Variants in MPRIP observed in about 807,000 individuals in gnomAD.
MPRIP encodes myosin phosphatase Rho-interacting protein.
Under a neutral mutation model 234.9 loss-of-function variants are expected in MPRIP, and 59 were observed. The ratio of observed to expected loss-of-function variants is 0.25; its 90% CI spans 0.20 to 0.31. MPRIP has a LOEUF of 0.31. MPRIP is among the 10% of genes least tolerant of loss of function. The pLI is 1.00. For missense variants in MPRIP, 2,436 were observed against 3,071.0 expected (o/e 0.79, Z 4.89); for synonymous variants, 1,144 against 1,263.9 (o/e 0.91, Z 2.01).
chr17:17,075,895 G>C, intron 2 of MPRIP, 108 bp downstream of exon 2: 2 of 1,075,466 alleles, frequency 1.9e-6, no homozygotes, highest in Non-Finnish European at 1.4e-6. Flanking sequence ...GTGGATCCTG[G>C]GATAGCAGGA....
At chr17:17,057,223 C>T (rs1047793245) in intron 1 of MPRIP, among the ~76,000 whole-genome samples, 1 of 152,254 alleles carries the variant, frequency 6.6e-6, no homozygotes, top group African/African-American at 2.4e-5. Context: ...GGGCTCTTCA[C>T]AGAGGAGTCT....
intron 2 of MPRIP, chr17:17,076,165 GT>G (rs1056768534): frequency 6.1e-5 from 11 of 181,608 alleles, no homozygotes; most frequent in Non-Finnish European, 9.2e-5. Flanking sequence ...TGAGCCAGGG[GT>G]TCAGCACACT....
chr17:17,094,129 T>G (rs541732998), intron 3 of MPRIP, among the ~76,000 whole-genome samples: 1 of 151,824 alleles, frequency 6.6e-6, no homozygotes, highest in Non-Finnish European at 1.5e-5. Flanking sequence ...TTTGTGGGGT[T>G]TTTTTTGGTT....
At chr17:17,141,618 G>C (rs1439884359) in intron 7 of MPRIP, 1 of 152,430 alleles carries the variant, frequency 6.6e-6, no homozygotes, top group Admixed American at 6.5e-5. Flanking sequence ...TGGCCTCTTG[G>C]GGGAGGTGGG....
Position 17,158,582 on chromosome 17 carries a change from C to A in MPRIP, c.1980C>A (p.Thr660=). 1 of 1,609,792 alleles carries A rather than the reference C, an allele frequency of 6.2e-7. No homozygotes were observed. The highest frequency in any genetic ancestry group is 1.1e-5 in the South Asian group (1 of 90,770). ...RERRREGRSK[T]FDWAEFRPIQ... ...GGAGGCGAGAGGGCCGCTCCAAGAC[C>A]TTTGACTGGGCTGAGTTCCGTCCCA... Residue 660 remains threonine, a synonymous_variant, in exon 14 of 24, where the codon ACC becomes ACA. Coordinates refer to ENST00000651222, the MANE Select transcript of MPRIP (RefSeq NM_001364716.4).
Position 17,158,576 on chromosome 17 carries a change from C to T in MPRIP, c.1974C>T (p.Ser658=), listed in dbSNP as rs750129535. ...GGGAGCGGAGGCGAGAGGGCCGCTC[C>T]AAGACCTTTGACTGGGCTGAGTTCC... ...RARERRREGR[S]KTFDWAEFRP... Residue 658 remains serine (S), a synonymous_variant, in exon 14 of 24, where the codon TCC becomes TCT. Transcript: ENST00000651222. The T allele has an allele frequency of 1.9e-6, 3 of 1,610,222 alleles. No individual in the cohort carries two copies. The highest frequency in any genetic ancestry group is 1.1e-5 in the South Asian group (1 of 90,806).
chr17:17,113,880 CTTTTCTTTTT>C (rs2090224355), intron 3 of MPRIP, among the ~76,000 whole-genome samples: 1 of 93,212 alleles, frequency 1.1e-5, no homozygotes, highest in Non-Finnish European at 2.0e-5. Flanking sequence ...CTTTTCTTTT[CTTTTCTTTTT>C]TTTTTTTTTT....
chr17:17,169,166 T>C (rs2144654824), intron 16 of MPRIP: 2 of 378,670 alleles, frequency 5.3e-6, no homozygotes, highest in Middle Eastern at 7.5e-4. Context: ...TTTCAAAGTG[T>C]GTGTATATGA....
At chr17:17,080,740 T>C (rs2089443148) in intron 3 of MPRIP, among the ~76,000 whole-genome samples, 2 of 152,280 alleles carry the variant, frequency 1.3e-5, no homozygotes, top group Non-Finnish European at 2.9e-5. Context: ...GGGGTTTATT[T>C]AAATTCTTAT....
intron 3 of MPRIP, among the ~76,000 whole-genome samples, chr17:17,103,144 C>T (rs184505960): frequency 6.6e-6 from 1 of 152,304 alleles, no homozygotes; most frequent in African/African-American, 2.4e-5. Context: ...AGTCAGAAGG[C>T]CCAGGCAGTT....
chr17:17,044,483 T>G (rs1002931818), intron 1 of MPRIP, among the ~76,000 whole-genome samples: 1 of 152,346 alleles, frequency 6.6e-6, no homozygotes, highest in South Asian at 2.1e-4. Context: ...CTGGCTTACC[T>G]CCTTCACTGA....
At chr17:17,134,179 C>T (rs1199314547) in intron 5 of MPRIP, among the ~76,000 whole-genome samples, 1 of 152,232 alleles carries the variant, frequency 6.6e-6, no homozygotes, top group Non-Finnish European at 1.5e-5. Context: ...TCTTCCTTCC[C>T]GTTGGTTGCC....
chr17:17,182,389 G>A (rs1028430361), intron 23 of MPRIP: 1 of 152,236 alleles, frequency 6.6e-6, no homozygotes, highest in Non-Finnish European at 1.5e-5. Context: ...ATTGAGACCA[G>A]AGAATGCTTC....
chr17:17,141,928 G>A (rs929807242), intron 7 of MPRIP: 4 of 152,220 alleles, frequency 2.6e-5, no homozygotes, highest in African/African-American at 4.8e-5. Context: ...TTAATTCTTT[G>A]GATAATTTTG....
intron 3 of MPRIP, among the ~76,000 whole-genome samples, chr17:17,100,421 T>C (rs2089936830): frequency 6.6e-6 from 1 of 152,110 alleles, no homozygotes; most frequent in African/African-American, 2.4e-5. Flanking sequence ...TGTCAGAAAA[T>C]ACATGAATTG....
At chr17:17,083,369 C>A (rs566732230) in intron 3 of MPRIP, among the ~76,000 whole-genome samples, 25 of 152,278 alleles carry the variant, frequency 1.6e-4, no homozygotes, top group African/African-American at 5.1e-4. Flanking sequence ...CAGGTGCAGA[C>A]AGGTTAGGAT....
intron 1 of MPRIP, chr17:17,057,744 T>A (rs775926668): frequency 2.1e-4 from 148 of 716,332 alleles, no homozygotes; most frequent in Admixed American, 1.9e-3. Flanking sequence ...GAGACCACCC[T>A]GACCCCCACC....
At chr17:17,112,119 T>C (rs981617955) in intron 3 of MPRIP, among the ~76,000 whole-genome samples, 4 of 152,166 alleles carry the variant, frequency 2.6e-5, no homozygotes, top group Non-Finnish European at 4.4e-5. Flanking sequence ...GGTGTCCCTG[T>C]GTATGCGATG....
rs903099769 is a variant in MPRIP, at chr17:17,136,563, G to T, written c.736+113G>T. 83 of 1,012,978 alleles carry T rather than the reference G, an allele frequency of 8.2e-5. 2 individuals carry two copies. In the South Asian group the frequency reaches 1.3e-3, roughly 16 times the overall value. The allele number at this position is 1,012,978 out of a possible 1,614,324, so 62.7% of individuals were successfully genotyped here. A position where few individuals can be genotyped will look rare whatever the true frequency, so the allele number is the denominator to read the frequency against. ...GAGCCCAGTCGCAAGCCTGGACCTC[G>T]ATTCCCTTTGTCCATCAGCCCTGGG... On this transcript the variant is annotated intron_variant, in intron 6 of 23. Coordinates refer to ENST00000651222, the MANE Select transcript of MPRIP (RefSeq NM_001364716.4).
Sources: gnomAD v4.1 joint callset for allele counts (sites outside exome capture counted in the v4.1 genomes callset) on GRCh38, gnomAD v4.1.1 for gene constraint, MANE v1.5 for transcripts, NCBI Gene and HGNC (gene_info 2026-07-23, HGNC 2026-07-21) for gene names.